The following FAP variants were observed in gnomAD, a reference collection of about 807,000 sequenced individuals.
The protein encoded by FAP is fibroblast activation protein alpha, also known as prolyl endopeptidase FAP.
A neutral mutation model predicts 126.5 loss-of-function variants in FAP; 110 were observed. The ratio of observed to expected loss-of-function variants is 0.87; its 90% CI spans 0.74 to 1.02. FAP has a LOEUF of 1.02. FAP is among the 50% of genes least tolerant of loss of function. FAP has a pLI of 0.00. For synonymous variants in FAP, 334 were observed against 297.3 expected (o/e 1.12, Z -1.27); for missense variants, 919 against 909.2 (o/e 1.01, Z -0.14).
At chr2:162,240,321 T>C (rs941588153) in intron 2 of FAP, among the ~76,000 whole-genome samples, 2 of 152,270 alleles carry the variant, frequency 1.3e-5, no homozygotes, top group African/African-American at 4.8e-5. Context: ...CTACATTTCA[T>C]ATTTGTTCTT....
intron 10 of FAP, among the ~76,000 whole-genome samples, chr2:162,215,694 T>A (rs1576177934): frequency 6.6e-6 from 1 of 152,182 alleles, no homozygotes. Context: ...TTCACTGAGA[T>A]TGATCACCGA....
intron 12 of FAP, among the ~76,000 whole-genome samples, chr2:162,203,487 C>A (rs1296249939): frequency 6.6e-6 from 1 of 152,182 alleles, no homozygotes. Flanking sequence ...CGAAACCAAA[C>A]CTAAAATGAG....
chr2:162,214,879 A>G (rs1689106424), intron 10 of FAP, among the ~76,000 whole-genome samples: 1 of 152,118 alleles, frequency 6.6e-6, no homozygotes, highest in Admixed American at 6.6e-5. Flanking sequence ...CCGCGTGCTT[A>G]AACCGCTTAA....
At chr2:162,205,184 C>A (rs1352278798) in intron 12 of FAP, among the ~76,000 whole-genome samples, 2 of 152,174 alleles carry the variant, frequency 1.3e-5, no homozygotes, top group African/African-American at 4.8e-5. Context: ...TTCAAATAAA[C>A]TCTACTACTT....
intron 4 of FAP, among the ~76,000 whole-genome samples, chr2:162,225,042 G>C (rs1278757747): frequency 6.6e-6 from 1 of 152,088 alleles, no homozygotes; most frequent in Non-Finnish European, 1.5e-5. Flanking sequence ...TCTATGTTAG[G>C]CACTGCCCTA....
chr2:162,231,444 A>G (rs1040610399), intron 2 of FAP, among the ~76,000 whole-genome samples: 3 of 152,206 alleles, frequency 2.0e-5, no homozygotes, highest in African/African-American at 7.2e-5. Context: ...AGAAGTAAAC[A>G]TGAATTCTGA....
At chr2:162,217,169 A>T (rs1689187480) in intron 9 of FAP, among the ~76,000 whole-genome samples, 1 of 152,210 alleles carries the variant, frequency 6.6e-6, no homozygotes, top group African/African-American at 2.4e-5. Context: ...TGTATACCAC[A>T]TCCAACCGTC....
intron 2 of FAP, among the ~76,000 whole-genome samples, chr2:162,233,628 C>T (rs984279780): frequency 3.9e-5 from 6 of 151,942 alleles, no homozygotes; most frequent in African/African-American, 1.2e-4. Flanking sequence ...TGGCCTTTAT[C>T]GAATATATAT....
At chr2:162,239,690 T>A (rs906816321) in intron 2 of FAP, among the ~76,000 whole-genome samples, 2 of 152,210 alleles carry the variant, frequency 1.3e-5, no homozygotes, top group African/African-American at 4.8e-5. Context: ...ATTTATGAAG[T>A]ATTTACTACA....
intron 2 of FAP, among the ~76,000 whole-genome samples, chr2:162,242,429 A>C (rs1260159301): frequency 2.6e-5 from 4 of 152,166 alleles, no homozygotes; most frequent in African/African-American, 4.8e-5. Flanking sequence ...TGCTTTTTCT[A>C]TACAGCTATT....
chr2:162,216,729 A>G (rs1689173349), intron 9 of FAP, among the ~76,000 whole-genome samples: 1 of 152,212 alleles, frequency 6.6e-6, no homozygotes, highest in Non-Finnish European at 1.5e-5. Flanking sequence ...GTAGGTGCAC[A>G]GTATGTAATG....
chr2:162,205,176 C>G (rs1688656760), intron 12 of FAP, among the ~76,000 whole-genome samples: 1 of 152,120 alleles, frequency 6.6e-6, no homozygotes, highest in African/African-American at 2.4e-5. Flanking sequence ...TGTTTTTGTT[C>G]AAATAAACTC....
chr2:162,192,753 C>T (rs1688098329), intron 17 of FAP, among the ~76,000 whole-genome samples: 1 of 152,100 alleles, frequency 6.6e-6, no homozygotes, highest in South Asian at 2.1e-4. Context: ...CCTCCCAAAA[C>T]CTGATCTCCA....
intron 19 of FAP, among the ~76,000 whole-genome samples, chr2:162,188,626 C>T (rs922082950): frequency 1.3e-5 from 2 of 151,948 alleles, no homozygotes; most frequent in Admixed American, 6.6e-5. Flanking sequence ...GTGGGTTTTT[C>T]GTCATTTCTG....
chr2:162,189,683 T>C lies in FAP; in HGVS notation c.1522A>G (p.Ile508Val). 2 of 1,584,960 alleles carry C rather than the reference T, an allele frequency of 1.3e-6. No homozygotes were observed. The change falls in exon 18 of 26, where the codon ATT becomes GTT. Residue 508 changes from isoleucine (I) to valine (V), a missense_variant. By Grantham distance (29) the Ile-to-Val change is conservative. Coordinates refer to ENST00000188790, the MANE Select transcript of FAP (RefSeq NM_004460.5). ...ATTTCATCTACTTCAAGTTTCTTAA[T>C]TTCCTCTTTAGGCAGCTGGATATTT... ...LKNIQLPKEE[I>V]KKLEVDEITL...
chr2:162,198,989 CTA>C, intron 15 of FAP, 108 bp from the exon 16 acceptor site: 2 of 905,956 alleles, frequency 2.2e-6, no homozygotes, highest in Non-Finnish European at 1.7e-6. Context: ...CAAACCCACT[CTA>C]TTTTTCTGTT....
At chr2:162,235,743 C>T (rs931855106) in intron 2 of FAP, among the ~76,000 whole-genome samples, 5 of 152,154 alleles carry the variant, frequency 3.3e-5, no homozygotes, top group African/African-American at 4.8e-5. Flanking sequence ...GGGTCTCCTT[C>T]CACACTGTGG....
intron 14 of FAP, 74 bp from the exon 15 acceptor site, chr2:162,200,693 TAG>T: frequency 1.5e-6 from 1 of 666,738 alleles, no homozygotes; most frequent in Non-Finnish European, 2.6e-6. Flanking sequence ...AATACTAATA[TAG>T]TATCAATATA....
At chr2:162,206,425 T>G (rs566973001) in intron 12 of FAP, among the ~76,000 whole-genome samples, 1 of 152,246 alleles carries the variant, frequency 6.6e-6, no homozygotes, top group African/African-American at 2.4e-5. Flanking sequence ...CCATGTAATA[T>G]CTTGCCATAG....
Sources: allele counts gnomAD v4.1 joint callset (sites outside exome capture counted in the v4.1 genomes callset), GRCh38; gene constraint gnomAD v4.1.1; transcripts MANE v1.5; gene names NCBI Gene and HGNC (gene_info 2026-07-23, HGNC 2026-07-21).